Variants in GSDME observed in about 807,000 individuals in gnomAD.
The protein encoded by GSDME is gasdermin E, also known as gasdermin-E.
Under a neutral mutation model 47.5 loss-of-function variants are expected in GSDME, and 44 were observed. That is an observed-to-expected ratio of 0.93 (90% CI 0.73 to 1.19). The LOEUF (loss-of-function observed/expected upper bound fraction) is 1.19, where lower values mean the gene tolerates loss of function less well. Ranked by LOEUF, GSDME falls within the 50% of genes most tolerant of loss-of-function variation. The probability of loss-of-function intolerance (pLI) is 0.00; values close to 1 mark genes in which losing one functional copy is unlikely to be tolerated. For synonymous variants in GSDME, 258 were observed against 252.8 expected (o/e 1.02, Z -0.20); for missense variants, 663 against 604.2 (o/e 1.10, Z -1.02).
chr7:24,762,249 CAAA>C (rs11436239), upstream of GSDME, among the ~76,000 whole-genome samples: 1 of 131,408 alleles, frequency 7.6e-6, no homozygotes, highest in African/African-American at 2.9e-5. Context: ...AACTGTGTGT[CAAA>C]AAAAAAAAAA....
Position 24,710,325 on chromosome 7 carries a change from T to A in GSDME, c.761A>T (p.Tyr254Phe). The change falls in exon 6 of 10, where the codon TAC becomes TTC. Residue 254 changes from tyrosine (Y) to phenylalanine (F), a missense_variant. Tyr to Phe is a conservative substitution (Grantham distance 22, BLOSUM62 3). Coordinates refer to ENST00000645220, the MANE Select transcript of GSDME (RefSeq NM_001127453.2). ...CTCTCGAAAGACCAGGGGGTCCAGG[T>A]AGACAGAGTCAATTCTCTTCTTGTT... ...FENKKRIDSV[Y>F]LDPLVFREFA... 1 of 1,614,270 alleles carries A rather than the reference T, an allele frequency of 6.2e-7. No individual in the cohort carries two copies. Among genetic ancestry groups the A allele is most frequent in the Non-Finnish European group, 8.5e-7 (1 of 1,180,052 alleles).
intron 3 of GSDME, among the ~76,000 whole-genome samples, chr7:24,727,704 T>A (rs1790014841): frequency 6.6e-6 from 1 of 152,240 alleles, no homozygotes; most frequent in Non-Finnish European, 1.5e-5. Flanking sequence ...TCTCTCTTGA[T>A]AACCAACCTC....
intron 3 of GSDME, among the ~76,000 whole-genome samples, chr7:24,731,320 C>T (rs937181927): frequency 2.0e-5 from 3 of 152,232 alleles, no homozygotes; most frequent in South Asian, 2.1e-4. Flanking sequence ...CCCAGCTACA[C>T]GTCTGGATCA....
At chr7:24,741,007 G>A (rs1188192582) in intron 3 of GSDME, among the ~76,000 whole-genome samples, 5 of 152,272 alleles carry the variant, frequency 3.3e-5, no homozygotes, top group East Asian at 3.9e-4. Flanking sequence ...ACAGGTGTGC[G>A]CGCTCCAGAG....
Position 24,744,154 on chromosome 7 carries a change from A to C in GSDME, c.404+408T>G. 4.5e-6 allele frequency: 1 copy of C among 223,022 alleles called. No individual in the cohort carries two copies. Among genetic ancestry groups the C allele is most frequent in the Admixed American group, 5.2e-5 (1 of 19,062 alleles). The allele number at this position is 223,022 out of a possible 1,614,324, so 13.8% of individuals were successfully genotyped here. A position where few individuals can be genotyped will look rare whatever the true frequency, so the allele number is the denominator to read the frequency against. ...AGACTGAAAAGAGCTCTTATTTTTG[A>C]ACTTTTTTACGCGCCTCTCACTTGC... On this transcript the variant is annotated intron_variant, in intron 3 of 9. Coordinates refer to ENST00000645220, the MANE Select transcript of GSDME (RefSeq NM_001127453.2). The surrounding 1 kb of genome is among the most constrained non-coding windows in gnomAD (Gnocchi z 4.5).
the GSDME span, among the ~76,000 whole-genome samples, chr7:24,787,959 C>A: frequency 2.6e-5 from 4 of 152,168 alleles, no homozygotes; most frequent in African/African-American, 9.7e-5. The surrounding 1 kb of genome is among the most constrained non-coding windows in gnomAD (Gnocchi z 5.0). Context: ...CCCACCTCGG[C>A]CTCCCAAAGT....
chr7:24,703,052 CACAGAGGAT>C (rs1427017505), intron 8 of GSDME: 1 of 480,124 alleles, frequency 2.1e-6, no homozygotes, highest in African/African-American at 2.0e-5. Flanking sequence ...CTCTGCATTC[CACAGAGGAT>C]ACTCCTTGAC....
chr7:24,732,520 G>T lies in GSDME; in HGVS notation c.404+12042C>A, dbSNP rs965215192. Among the ~76,000 whole-genome samples the T allele has an allele frequency of 1.3e-5, 2 of 152,354 alleles. No individual in the cohort carries two copies. The highest frequency in any genetic ancestry group is 3.4e-3 in the Middle Eastern group (1 of 294). ...TGGTTTTGACTTCATTTTGCTGAAA[G>T]AGGCACTGAAGAGGGTAGGAAAGGC... On this transcript the variant is annotated intron_variant, in intron 3 of 9. Coordinates refer to ENST00000645220, the MANE Select transcript of GSDME (RefSeq NM_001127453.2). The surrounding 1 kb of genome is among the most constrained non-coding windows in gnomAD (Gnocchi z 4.8).
intron 9 of GSDME, among the ~76,000 whole-genome samples, chr7:24,700,883 C>T (rs1310112771): frequency 1.3e-5 from 2 of 152,338 alleles, no homozygotes; most frequent in East Asian, 3.9e-4. Context: ...GAGAGCTGTG[C>T]AGCATTCGGC....
Position 24,744,508 on chromosome 7 carries a change from G to T in GSDME, c.404+54C>A. The T allele has an allele frequency of 1.3e-6, 2 of 1,583,538 alleles. No individual in the cohort carries two copies. Among genetic ancestry groups the T allele is most frequent in the Non-Finnish European group, 8.7e-7 (1 of 1,153,192 alleles). On this transcript the variant is annotated intron_variant, in intron 3 of 9. Coordinates refer to ENST00000645220, the MANE Select transcript of GSDME (RefSeq NM_001127453.2). This position sits in a 1 kb window ranked among gnomAD's most constrained non-coding sequence, Gnocchi z 4.5. ...CCTTTTAACAAAGGTCCAACTGAATGACCTTTAAATGTGAGATGTGTCAAA... is the reference window on the plus strand; with the variant it reads ...CCTTTTAACAAAGGTCCAACTGAATTACCTTTAAATGTGAGATGTGTCAAA...
At chr7:24,748,168 A>ATATATTTTTT (rs1483888057) in intron 2 of GSDME, among the ~76,000 whole-genome samples, 2 of 117,498 alleles carry the variant, frequency 1.7e-5, no homozygotes, top group African/African-American at 5.7e-5. Flanking sequence ...ATATATATAT[A>ATATATTTTTT]TTTTTTTTTG....
intron 3 of GSDME, among the ~76,000 whole-genome samples, chr7:24,738,561 C>A (rs1790383335): frequency 6.6e-6 from 1 of 152,052 alleles, no homozygotes; most frequent in African/African-American, 2.4e-5. Flanking sequence ...GTAATCTATA[C>A]TTTGTAGAGA....
chr7:24,792,044 G>A, the GSDME span, among the ~76,000 whole-genome samples: 2 of 152,174 alleles, frequency 1.3e-5, no homozygotes, highest in Non-Finnish European at 2.9e-5. Context: ...ATGCCTGGTC[G>A]ACTGGAGGAC....
intron 3 of GSDME, among the ~76,000 whole-genome samples, chr7:24,723,132 C>T (rs908898224): frequency 6.6e-5 from 10 of 151,374 alleles, no homozygotes; most frequent in Non-Finnish European, 1.5e-4. Context: ...ACAGTGCTGC[C>T]ACCTTTTGGA....
Position 24,744,887 on chromosome 7 carries a change from C to A in GSDME, c.212-133G>T. 1.1e-6 allele frequency: 1 copy of A among 935,966 alleles called. No homozygotes were observed. The highest frequency in any genetic ancestry group is 1.7e-6 in the Non-Finnish European group (1 of 601,922). 58.0% of individuals were successfully genotyped at this position (935,966 alleles called of 1,614,324 possible). A position where few individuals can be genotyped will look rare whatever the true frequency, so the allele number is the denominator to read the frequency against. The stretch of plus-strand genomic sequence containing the variant: ...TGGCACTCAGATGGAAAGCCGGCAG[C>A]CATGCTGTGTGTGTGGGCAAGAAAA... On this transcript the variant is annotated intron_variant, in intron 2 of 9. Transcript: ENST00000645220. The surrounding 1 kb of genome is among the most constrained non-coding windows in gnomAD (Gnocchi z 4.5).
intron 8 of GSDME, chr7:24,703,707 C>T (rs1788975546): frequency 1.3e-5 from 2 of 152,452 alleles, no homozygotes; most frequent in African/African-American, 4.8e-5. Context: ...ATGGCTCGTT[C>T]TCAAGAGAGA....
At chr7:24,707,361 GT>G in intron 7 of GSDME, 1 of 471,414 alleles carries the variant, frequency 2.1e-6, no homozygotes, top group South Asian at 1.5e-5. Context: ...TTGGCAGCTT[GT>G]GTGGCTCTCA....
intron 3 of GSDME, among the ~76,000 whole-genome samples, chr7:24,734,865 T>C (rs1344905939): frequency 6.6e-6 from 1 of 151,696 alleles, no homozygotes; most frequent in Admixed American, 6.6e-5. Context: ...AGAGAAAAAA[T>C]AGGGGTAGAA....
chr7:24,782,922 A>G, the GSDME span, among the ~76,000 whole-genome samples: 1 of 152,132 alleles, frequency 6.6e-6, no homozygotes, highest in Non-Finnish European at 1.5e-5. Flanking sequence ...TTGTTTGCAA[A>G]AACACATTTT....
Sources: allele counts gnomAD v4.1 joint callset (sites outside exome capture counted in the v4.1 genomes callset), GRCh38; gene constraint gnomAD v4.1.1; non-coding constraint Gnocchi (gnomAD v3.1); transcripts MANE v1.5; gene names NCBI Gene and HGNC (gene_info 2026-07-23, HGNC 2026-07-21).